The following LEPR variants were observed in gnomAD, a reference collection of about 807,000 sequenced individuals.
LEPR encodes the protein leptin receptor, also known as OB receptor.
A neutral mutation model predicts 114.7 loss-of-function variants in LEPR; 56 were observed. That is an observed-to-expected ratio of 0.49 (90% confidence interval 0.39 to 0.61). The LOEUF is 0.61. Ranked by LOEUF, LEPR falls within the 20% of genes least tolerant of loss-of-function variation. The pLI is 0.00. For missense variants in LEPR, 1,202 were observed against 1,352.9 expected (o/e 0.89, Z 1.75); for synonymous variants, 443 against 461.4 (o/e 0.96, Z 0.51).
intron 5 of LEPR, chr1:65,576,951 G>A: frequency 5.7e-6 from 2 of 351,278 alleles, no homozygotes; most frequent in Non-Finnish European, 1.1e-5. Context: ...TCTGTTCCTG[G>A]CAAACAATCC....
chr1:65,541,832 C>T (rs1388530851), intron 2 of LEPR, among the ~76,000 whole-genome samples: 1 of 152,126 alleles, frequency 6.6e-6, no homozygotes, highest in East Asian at 1.9e-4. Flanking sequence ...ACATTATTGT[C>T]AGAATTGCTT....
intron 3 of LEPR, among the ~76,000 whole-genome samples, chr1:65,566,708 T>C (rs1653787493): frequency 2.0e-5 from 3 of 152,224 alleles, no homozygotes; most frequent in Admixed American, 2.0e-4. Flanking sequence ...GTGGCAACTT[T>C]ATCTGGCAGC....
intron 16 of LEPR, among the ~76,000 whole-genome samples, chr1:65,618,621 A>G (rs1657684452): frequency 1.3e-5 from 2 of 152,216 alleles, no homozygotes; most frequent in African/African-American, 4.8e-5. Flanking sequence ...ATGGGCCACC[A>G]CACCCAGCCT....
chr1:65,559,868 C>T (rs1332836858), intron 2 of LEPR, among the ~76,000 whole-genome samples: 23 of 132,462 alleles, frequency 1.7e-4, no homozygotes, highest in East Asian at 8.4e-4. Flanking sequence ...TGTAGGTATG[C>T]GGCATTATTT....
chr1:65,507,510 T>A (rs186428909), intron 2 of LEPR, among the ~76,000 whole-genome samples: 2 of 134,830 alleles, frequency 1.5e-5, no homozygotes, highest in East Asian at 3.9e-4. Flanking sequence ...TATATATATA[T>A]ACATATATAT....
intron 2 of LEPR, among the ~76,000 whole-genome samples, chr1:65,461,933 G>A (rs934754196): frequency 2.0e-5 from 3 of 152,106 alleles, no homozygotes; most frequent in African/African-American, 7.2e-5. Context: ...CAGTTGAAGG[G>A]CCTTCTATAA....
Position 65,487,700 on chromosome 1 carries a change from TAA to T in LEPR, c.-21+62327_-21+62328del, listed in dbSNP as rs149927064. Among the ~76,000 whole-genome samples, 828 of 150,484 alleles carry T rather than the reference TAA, an allele frequency of 5.5e-3. 3 individuals are homozygous for T. Among genetic ancestry groups the T allele is most frequent in the Non-Finnish European group, 8.5e-3 (575 of 67,874 alleles). ...CTTGTCCCTTCATTGGGCTTTAAATTAAAAAATTTTTTTTTAAAATTATCTTA... is the reference window on the plus strand; with the variant it reads ...CTTGTCCCTTCATTGGGCTTTAAATTAAAATTTTTTTTTAAAATTATCTTA... On this transcript the variant is annotated intron_variant, in intron 2 of 19. Coordinates refer to ENST00000349533, the MANE Select transcript of LEPR (RefSeq NM_002303.6).
At chr1:65,598,156 A>G (rs1184761076) in intron 7 of LEPR, among the ~76,000 whole-genome samples, 1 of 132,296 alleles carries the variant, frequency 7.6e-6, no homozygotes, top group East Asian at 2.6e-4. Flanking sequence ...CTGGTCTTGA[A>G]CTCCTGGGCT....
intron 2 of LEPR, among the ~76,000 whole-genome samples, chr1:65,451,103 T>C (rs1402751789): frequency 1.3e-5 from 2 of 152,084 alleles, no homozygotes; most frequent in Admixed American, 6.6e-5. Flanking sequence ...TCATGTCCTT[T>C]GCCCACTTTT....
chr1:65,439,926 C>T (rs542835769), intron 2 of LEPR, among the ~76,000 whole-genome samples: 8 of 138,924 alleles, frequency 5.8e-5, no homozygotes, highest in South Asian at 2.3e-4. Context: ...AACTTGAACC[C>T]GGAGGCGGAG....
intron 19 of LEPR, among the ~76,000 whole-genome samples, chr1:65,627,463 A>C (rs952632991): frequency 3.9e-5 from 6 of 152,316 alleles, no homozygotes; most frequent in African/African-American, 1.4e-4. Flanking sequence ...ACAGATAGTA[A>C]GTGTTGGTGA....
intron 12 of LEPR, 53 bp downstream of exon 12, chr1:65,608,954 A>G: frequency 6.2e-7 from 1 of 1,604,192 alleles, no homozygotes; most frequent in Non-Finnish European, 8.5e-7. Context: ...TTTTTATAAT[A>G]TGTAAGAGTT....
Position 65,574,481 on chromosome 1 carries a change from C to T in LEPR, c.494+2032C>T, listed in dbSNP as rs76216777. Among the ~76,000 whole-genome samples the T allele has an allele frequency of 5.4e-3, 829 of 152,234 alleles. 9 individuals are homozygous for T. The highest frequency in any genetic ancestry group is 0.019 in the African/African-American group (797 of 41,528). Reference sequence around the variant, plus strand: ...GTGGAGCTCATTAATATATGTTTTGCCAAGTCCTTTGGGTGATTCTGATGG... The same window carrying T: ...GTGGAGCTCATTAATATATGTTTTGTCAAGTCCTTTGGGTGATTCTGATGG... On this transcript the variant is annotated intron_variant, in intron 5 of 19. Coordinates refer to ENST00000349533, the MANE Select transcript of LEPR (RefSeq NM_002303.6).
intron 2 of LEPR, among the ~76,000 whole-genome samples, chr1:65,485,981 C>A (rs1647465680): frequency 6.6e-6 from 1 of 152,150 alleles, no homozygotes; most frequent in African/African-American, 2.4e-5. Flanking sequence ...ATTTAAAAGG[C>A]ACTTTAGCAA....
chr1:65,608,550 A>G (rs2100963315), intron 11 of LEPR, among the ~76,000 whole-genome samples: 1 of 152,288 alleles, frequency 6.6e-6, no homozygotes, highest in Non-Finnish European at 1.5e-5. Context: ...TTTTTCAGTC[A>G]AGTCTATATT....
At chr1:65,549,583 C>G (rs1192149269) in intron 2 of LEPR, among the ~76,000 whole-genome samples, 1 of 152,168 alleles carries the variant, frequency 6.6e-6, no homozygotes, top group Non-Finnish European at 1.5e-5. Context: ...TCACTGATAC[C>G]CTTTCTTCCA....
In LEPR at chr1:65,636,337, C is replaced by G. The variant is rs1283755662; in HGVS notation, c.2820C>G (p.Val940=). 1 of 1,613,884 alleles carries G rather than the reference C, an allele frequency of 6.2e-7. No homozygotes were observed. The highest frequency in any genetic ancestry group is 8.5e-7 in the Non-Finnish European group (1 of 1,179,976). Residue 940 remains valine (V), a synonymous_variant, in exon 20 of 20, where the codon GTC becomes GTG. Transcript: ENST00000349533. Reference sequence around the variant, plus strand: ...ATGAGATGATGCCAACAACTGTGGTCTCTCTACTTTCAACAACAGATCTTG... The same window carrying G: ...ATGAGATGATGCCAACAACTGTGGTGTCTCTACTTTCAACAACAGATCTTG... ...NKDEMMPTTV[V]SLLSTTDLEK...
intron 2 of LEPR, among the ~76,000 whole-genome samples, chr1:65,437,725 A>C (rs1368759255): frequency 6.6e-6 from 1 of 152,124 alleles, no homozygotes; most frequent in African/African-American, 2.4e-5. Context: ...TACTGGAAAA[A>C]ATATAGTGGG....
chr1:65,454,873 A>C (rs937079541), intron 2 of LEPR, among the ~76,000 whole-genome samples: 1 of 152,104 alleles, frequency 6.6e-6, no homozygotes, highest in African/African-American at 2.4e-5. Flanking sequence ...TATCCTGCAG[A>C]GTGTTTTCCA....
Sources: gnomAD v4.1 joint callset for allele counts (sites outside exome capture counted in the v4.1 genomes callset) on GRCh38, gnomAD v4.1.1 for gene constraint, MANE v1.5 for transcripts, NCBI Gene and HGNC (gene_info 2026-07-23, HGNC 2026-07-21) for gene names.